Variants in CCDC77 observed in about 807,000 individuals in gnomAD.
CCDC77 encodes the protein coiled-coil domain containing 77.
In CCDC77, 56 loss-of-function variants were observed where a neutral mutation model predicts 66.8. The observed-to-expected ratio is 0.84, with a 90% CI of 0.68 to 1.05. The LOEUF is 1.05. Among genes scored for constraint, CCDC77 ranks in the 50% least tolerant of loss-of-function variants. CCDC77 has a pLI of 0.00. For synonymous variants in CCDC77, 196 were observed against 195.2 expected (o/e 1.00, Z -0.03); for missense variants, 570 against 576.8 (o/e 0.99, Z 0.12).
At chr12:411,478 C>T (rs1191788014) in intron 3 of CCDC77, among the ~76,000 whole-genome samples, 1 of 151,652 alleles carries the variant, frequency 6.6e-6, no homozygotes, top group Non-Finnish European at 1.5e-5. Flanking sequence ...CCACGCCCGG[C>T]CAAGATTTTT....
upstream of CCDC77, among the ~76,000 whole-genome samples, chr12:397,412 C>T (rs1394209332): frequency 1.3e-5 from 2 of 152,050 alleles, no homozygotes; most frequent in Non-Finnish European, 2.9e-5. Flanking sequence ...ATGTAATTAA[C>T]AGAGAAAATC....
chr12:415,354 TA>T (rs1253633395), intron 4 of CCDC77, among the ~76,000 whole-genome samples: 1 of 76,710 alleles, frequency 1.3e-5, no homozygotes, highest in Non-Finnish European at 2.9e-5. Context: ...ATAATCAACA[TA>T]ATATTATGTT....
chr12:412,201 T>C (rs935134759), intron 4 of CCDC77, among the ~76,000 whole-genome samples: 6 of 152,202 alleles, frequency 3.9e-5, no homozygotes, highest in African/African-American at 1.4e-4. Context: ...CTCTTATACC[T>C]AGTTCTTTCA....
chr12:395,044 C>T (rs1252667078), intron 1 of CCDC77: 1 of 152,110 alleles, frequency 6.6e-6, no homozygotes, highest in Non-Finnish European at 1.5e-5. Context: ...CTTGGGTGAT[C>T]ATCAAAGGGC....
intron 3 of CCDC77, 47 bp downstream of exon 3, chr12:409,468 A>G (rs762942655): frequency 1.3e-6 from 2 of 1,523,660 alleles, no homozygotes; most frequent in Non-Finnish European, 1.8e-6. Flanking sequence ...CGAGACTTGT[A>G]TAGCCTTAGT....
Position 418,643 on chromosome 12 carries a change from A to T in CCDC77, c.413+7A>T. The T allele has an allele frequency of 6.2e-7, 1 of 1,609,888 alleles. No homozygotes were observed. Among genetic ancestry groups the T allele is most frequent in the Non-Finnish European group, 8.5e-7 (1 of 1,178,592 alleles). On this transcript the variant is annotated splice_region_variant and intron_variant, in intron 5 of 12. Coordinates refer to ENST00000239830, the MANE Select transcript of CCDC77 (RefSeq NM_032358.4). ...ATGACCGACTGAGAATCAGGTACCA[A>T]ATAGGAGAAGGGAAATGTTGGAGTT... is the stretch of plus-strand genomic sequence containing the variant.
chr12:396,691 T>C (rs1944832963), upstream of CCDC77, among the ~76,000 whole-genome samples: 3 of 152,090 alleles, frequency 2.0e-5, no homozygotes, highest in Admixed American at 1.3e-4. Flanking sequence ...GAATTTTGAG[T>C]GAAGATGCAC....
intron 1 of CCDC77, among the ~76,000 whole-genome samples, chr12:402,364 A>G (rs1271662158): frequency 6.6e-6 from 1 of 152,342 alleles, no homozygotes; most frequent in East Asian, 1.9e-4. Flanking sequence ...TTTTGCACTT[A>G]GATCATTTTT....
chr12:409,946 T>C (rs1011302973), intron 3 of CCDC77, among the ~76,000 whole-genome samples: 2 of 145,824 alleles, frequency 1.4e-5, no homozygotes, highest in African/African-American at 5.3e-5. Flanking sequence ...TGCAGTGAGC[T>C]CAGATCACGC....
intron 1 of CCDC77, chr12:395,005 A>AT (rs35644579): frequency 5.3e-5 from 8 of 152,294 alleles, no homozygotes; most frequent in South Asian, 4.1e-4. Context: ...TGATGATAAG[A>AT]TTTTTTTAAA....
chr12:431,931 G>T lies in CCDC77; in HGVS notation c.649G>T (p.Asp217Tyr). 6.2e-7 allele frequency: 1 copy of T among 1,611,178 alleles called. No homozygotes were observed. Among genetic ancestry groups the T allele is most frequent in the South Asian group, 1.1e-5 (1 of 90,928 alleles). The change falls in exon 8 of 13, where the codon GAC (aspartate) becomes TAC (tyrosine). Residue 217 changes from aspartate to tyrosine, a missense_variant. Asp to Tyr is a radical substitution (Grantham distance 160). Transcript: ENST00000239830. ...RKESSEHYQR[D>Y]IQTLILQVEA... ...AGAAAGTTCTGAGCATTACCAAAGA[G>T]ACATACAGACACTCATCCTACAGGT...
rs1009393971 is a variant in CCDC77, at chr12:414,359, G to A, written c.270+2381G>A. 3.9e-5 allele frequency among the ~76,000 whole-genome samples: 6 copies of A among 152,048 alleles called. No homozygotes were observed. In the East Asian group the frequency reaches 9.6e-4, roughly 24 times the overall value. ...CTTGCCTTGGCCTCCTGAAGTGCTG[G>A]GATTACAGGCGTGAGCCTGGCCTCC... is the stretch of plus-strand genomic sequence containing the variant. On this transcript the variant is annotated intron_variant, in intron 4 of 12. Transcript: ENST00000239830.
chr12:411,691 A>G, intron 3 of CCDC77, 56 bp from the exon 4 acceptor site: 3 of 1,391,578 alleles, frequency 2.2e-6, no homozygotes, highest in South Asian at 1.3e-5. Flanking sequence ...TTAGGAAGTT[A>G]TAACTCATAA....
At chr12:431,108 T>G (rs1303838314) in intron 7 of CCDC77, among the ~76,000 whole-genome samples, 4 of 151,112 alleles carry the variant, frequency 2.6e-5, no homozygotes, top group African/African-American at 9.7e-5. Context: ...TTGGAAATGT[T>G]TTCCTACTGT....
chr12:419,108 G>T (rs1205089213), intron 5 of CCDC77, among the ~76,000 whole-genome samples: 3 of 152,220 alleles, frequency 2.0e-5, no homozygotes, highest in African/African-American at 7.2e-5. Context: ...AGTTACTGGA[G>T]AAGCTCTCTG....
chr12:391,523 C>T (rs529434130), intron 1 of CCDC77, among the ~76,000 whole-genome samples: 104 of 151,896 alleles, frequency 6.8e-4, no homozygotes, highest in Non-Finnish European at 1.1e-3. Flanking sequence ...CTATATTATT[C>T]GGAAAAAGAA....
At chr12:413,530 C>T (rs1016640088) in intron 4 of CCDC77, among the ~76,000 whole-genome samples, 12 of 151,866 alleles carry the variant, frequency 7.9e-5, no homozygotes, top group African/African-American at 1.5e-4. Flanking sequence ...TGAGCCACTG[C>T]GCCCGGCCTC....
Position 433,262 on chromosome 12 carries a change from T to C in CCDC77, c.761T>C (p.Leu254Pro), listed in dbSNP as rs1455145137. Residue 254 changes from leucine to proline, a missense_variant, in exon 9 of 13, where the codon CTT becomes CCT. Transcript: ENST00000239830. ...CTCATCGAGGACAGACGGATTCACCTTGAGGAAATACAAGTTCAGCACCAG... is the reference window on the plus strand; with the variant it reads ...CTCATCGAGGACAGACGGATTCACCCTGAGGAAATACAAGTTCAGCACCAG... ...EGLIEDRRIH[L>P]EEIQVQHQRN... is the part of the protein sequence containing the mutation. 3 of 1,613,958 alleles carry C rather than the reference T, an allele frequency of 1.9e-6. No individual in the cohort carries two copies. In the African/African-American group the frequency reaches 4.0e-5, roughly 22 times the overall value.
At chr12:408,308 A>C (rs1402777560) in intron 2 of CCDC77, among the ~76,000 whole-genome samples, 1 of 152,178 alleles carries the variant, frequency 6.6e-6, no homozygotes, top group Non-Finnish European at 1.5e-5. Flanking sequence ...ATCTTCATGA[A>C]AATTTCTATA....
Sources: allele counts gnomAD v4.1 joint callset (sites outside exome capture counted in the v4.1 genomes callset), GRCh38; gene constraint gnomAD v4.1.1; transcripts MANE v1.5; gene names NCBI Gene and HGNC (gene_info 2026-07-23, HGNC 2026-07-21).